USO1: variants seen among roughly 807,000 people sequenced by gnomAD.
USO1 encodes the protein general vesicular transport factor p115.
In USO1, 57 loss-of-function variants were observed where a neutral mutation model predicts 124.5. The ratio of observed to expected loss-of-function variants is 0.46; its 90% CI spans 0.37 to 0.57. USO1 has a LOEUF of 0.57. USO1 is among the 20% of genes least tolerant of loss of function. The pLI is 0.00. For missense variants in USO1, 900 were observed against 1,040.6 expected, an observed-to-expected ratio of 0.86 and a Z score of 1.86; for synonymous variants, 369 against 362.8, an observed-to-expected ratio of 1.02 and a Z score of -0.19.
At chr4:75,790,058 A>G (rs540850480) in intron 10 of USO1, 92 bp from the exon 11 acceptor site, 1 of 1,071,702 alleles carries the variant, frequency 9.3e-7, no homozygotes, top group South Asian at 2.1e-5. Context: ...AAAAAAAAAA[A>G]CAAAAAAAAA....
intron 13 of USO1, among the ~76,000 whole-genome samples, chr4:75,799,183 TTTTTTGG>T (rs1450566882): frequency 6.7e-6 from 1 of 148,580 alleles, no homozygotes; most frequent in Non-Finnish European, 1.5e-5. Flanking sequence ...GATTTTTTTG[TTTTTTGG>T]TTTTTTTTGA....
chr4:75,764,422 G>C (rs1721706921), intron 4 of USO1, among the ~76,000 whole-genome samples: 1 of 152,110 alleles, frequency 6.6e-6, no homozygotes, highest in Admixed American at 6.6e-5. Context: ...GAAAAATCTT[G>C]TTCAACTTTG....
chr4:75,790,433 G>T (rs1262549415), intron 11 of USO1, among the ~76,000 whole-genome samples, 195 bp downstream of exon 11: 3 of 152,218 alleles, frequency 2.0e-5, no homozygotes, highest in Non-Finnish European at 4.4e-5. Flanking sequence ...CTTAGATTCA[G>T]ATATCATGTC....
At chr4:75,762,658 G>T (rs1018474298) in intron 4 of USO1, among the ~76,000 whole-genome samples, 1 of 152,082 alleles carries the variant, frequency 6.6e-6, no homozygotes. Context: ...GCCAGGTACG[G>T]TGGCTCACGC....
At chr4:75,806,323 T>C (rs1371267538) in intron 19 of USO1, among the ~76,000 whole-genome samples, 163 bp from the exon 20 acceptor site, 1 of 152,204 alleles carries the variant, frequency 6.6e-6, no homozygotes, top group Non-Finnish European at 1.5e-5. Flanking sequence ...TTGTAGACAA[T>C]ATGTGCTGTG....
At chr4:75,809,124 A>G (rs1266721502) in intron 21 of USO1, 73 bp downstream of exon 21, 6 of 1,487,720 alleles carry the variant, frequency 4.0e-6, no homozygotes, top group Non-Finnish European at 5.4e-6. Flanking sequence ...GCCACAATTA[A>G]AAAGAAACAA....
chr4:75,763,081 A>T (rs1043233518), intron 4 of USO1, among the ~76,000 whole-genome samples: 10 of 152,214 alleles, frequency 6.6e-5, no homozygotes, highest in Admixed American at 2.0e-4. Context: ...ATAGATTGTG[A>T]ACTTAGTATA....
intron 17 of USO1, 42 bp downstream of exon 17, chr4:75,801,242 G>A: frequency 1.3e-6 from 2 of 1,495,412 alleles, no homozygotes; most frequent in Non-Finnish European, 8.9e-7. Flanking sequence ...ATTACCAATA[G>A]GCACTTTCTG....
chr4:75,791,367 T>C (rs1290916027), intron 12 of USO1, among the ~76,000 whole-genome samples: 1 of 152,058 alleles, frequency 6.6e-6, no homozygotes, highest in Non-Finnish European at 1.5e-5. Flanking sequence ...CTACTAAAAA[T>C]ACAAAAATTA....
At chr4:75,783,203 T>C (rs1400334683) in intron 9 of USO1, among the ~76,000 whole-genome samples, 1 of 152,188 alleles carries the variant, frequency 6.6e-6, no homozygotes, top group Non-Finnish European at 1.5e-5. Flanking sequence ...CTTTCTTCAC[T>C]TAGGGCTCTA....
rs115307505 is a variant in USO1 at position 75,793,368 on chromosome 4, C to T, written c.1241-322C>T. ...TGGGACTGCAGGCATGCACCACCAACTCCTGGCCTCAAGGGATCCTCCCAC... is the reference window on the plus strand; with the variant it reads ...TGGGACTGCAGGCATGCACCACCAATTCCTGGCCTCAAGGGATCCTCCCAC... On this transcript the variant is annotated intron_variant, in intron 12 of 23. Coordinates refer to ENST00000514213, the MANE Select transcript of USO1 (RefSeq NM_003715.4). 7.7e-3 allele frequency among the ~76,000 whole-genome samples: 1,177 copies of T among 151,996 alleles called. 25 individuals carry two copies. The highest frequency in any genetic ancestry group is 0.027 in the African/African-American group (1,128 of 41,466).
intron 10 of USO1, among the ~76,000 whole-genome samples, chr4:75,789,528 G>A (rs1297616838): frequency 6.6e-6 from 1 of 152,120 alleles, no homozygotes; most frequent in Non-Finnish European, 1.5e-5. Context: ...ACCCACCTGG[G>A]CCTCCCAAAG....
At chr4:75,750,515 C>T (rs1721271832) in intron 1 of USO1, among the ~76,000 whole-genome samples, 1 of 151,948 alleles carries the variant, frequency 6.6e-6, no homozygotes, top group Non-Finnish European at 1.5e-5. Context: ...GACAGGGTCT[C>T]GCTCTGTCAA....
intron 1 of USO1, among the ~76,000 whole-genome samples, chr4:75,740,120 G>A (rs1386239923): frequency 6.6e-6 from 1 of 152,082 alleles, no homozygotes; most frequent in East Asian, 1.9e-4. Context: ...GACCACTTGA[G>A]CTCATTAGTT....
chr4:75,741,542 TTTCTTCTATATCC>T (rs1720959394), intron 1 of USO1, among the ~76,000 whole-genome samples: 1 of 151,946 alleles, frequency 6.6e-6, no homozygotes, highest in African/African-American at 2.4e-5. Flanking sequence ...GTACGATATT[TTTCTTCTATATCC>T]TTCTTCTATA....
intron 1 of USO1, among the ~76,000 whole-genome samples, chr4:75,744,233 C>G (rs1297408351): frequency 6.6e-6 from 1 of 152,178 alleles, no homozygotes; most frequent in Non-Finnish European, 1.5e-5. Flanking sequence ...TGGCAGCACT[C>G]TAGTATTTGT....
chr4:75,725,617 TA>T lies in USO1; in HGVS notation c.66+747del, dbSNP rs5859473. Among the ~76,000 whole-genome samples, 343 of 146,250 alleles carry T rather than the reference TA, an allele frequency of 2.3e-3. 1 individual carries two copies. The highest frequency in any genetic ancestry group is 4.3e-3 in the African/African-American group (169 of 39,578). On this transcript the variant is annotated intron_variant, in intron 1 of 23. Coordinates refer to ENST00000514213, the MANE Select transcript of USO1 (RefSeq NM_003715.4). ...TAATGACATGATTTGCGGCGTTATTTAAAAAAAAAAAAAAATGGTTAGCCGC... is the reference window on the plus strand; with the variant it reads ...TAATGACATGATTTGCGGCGTTATTTAAAAAAAAAAAAAATGGTTAGCCGC...
chr4:75,810,166 C>T (rs1723105613), intron 21 of USO1, among the ~76,000 whole-genome samples: 1 of 152,164 alleles, frequency 6.6e-6, no homozygotes, highest in South Asian at 2.1e-4. Context: ...TTAGAGCTGC[C>T]TTGCTGATTA....
chr4:75,788,833 GTTAT>G (rs1367524325), intron 10 of USO1, among the ~76,000 whole-genome samples: 3 of 151,684 alleles, frequency 2.0e-5, no homozygotes, highest in African/African-American at 7.3e-5. Context: ...GCACCCGGCC[GTTAT>G]TTGTCTTAAT....
Sources: gnomAD v4.1 joint callset for allele counts (sites outside exome capture counted in the v4.1 genomes callset) on GRCh38, gnomAD v4.1.1 for gene constraint, MANE v1.5 for transcripts, NCBI Gene and HGNC (gene_info 2026-07-23, HGNC 2026-07-21) for gene names.